The following PPM1M variants were observed in gnomAD, a reference collection of about 807,000 sequenced individuals.
PPM1M encodes protein phosphatase 1M.
A neutral mutation model predicts 50.8 loss-of-function variants in PPM1M; 44 were observed. The observed-to-expected ratio is 0.87, with a 90% CI of 0.68 to 1.11. The LOEUF is 1.11. Among genes scored for constraint, PPM1M ranks in the 50% most tolerant of loss-of-function variants. PPM1M has a pLI of 0.00. For missense variants in PPM1M, 556 were observed against 593.4 expected (o/e 0.94, Z 0.66); for synonymous variants, 224 against 242.9 (o/e 0.92, Z 0.72).
chr3:52,248,008 AG>A, intron 4 of PPM1M, 144 bp from the exon 5 acceptor site: 1 of 806,180 alleles, frequency 1.2e-6, no homozygotes, highest in East Asian at 2.7e-5. Context: ...TCACCCTTGC[AG>A]GTCTTAGGTA....
chr3:52,245,921 C>G lies in PPM1M; in HGVS notation c.97C>G (p.Arg33Gly). Residue 33 changes from arginine (R) to glycine (G), a missense_variant, in exon 1 of 10, where the codon CGG (arginine) becomes GGG (glycine). By Grantham distance (125) the Arg-to-Gly change is moderately radical. Coordinates refer to ENST00000323588, the MANE Select transcript of PPM1M (RefSeq NM_144641.4). The surrounding 1 kb of genome is among the most constrained non-coding windows in gnomAD (Gnocchi z 4.8). ...GCATGCCAGCCCCGTGCCCTACCGA[C>G]GGCCCCGCTTCCTTCGCGGCTCCAG... ...GPHASPVPYR[R>G]PRFLRGSSSS... The G allele has an allele frequency of 1.6e-6, 2 of 1,233,508 alleles. No individual in the cohort carries two copies. The highest frequency in any genetic ancestry group is 2.1e-6 in the Non-Finnish European group (2 of 963,070). 76.4% of individuals were successfully genotyped at this position (1,233,508 alleles called of 1,614,324 possible).
chr3:52,245,991 G>C lies in PPM1M; in HGVS notation c.167G>C (p.Arg56Pro), dbSNP rs939891666. 1 of 1,243,526 alleles carries C rather than the reference G, an allele frequency of 8.0e-7. No individual in the cohort carries two copies. Among genetic ancestry groups the C allele is most frequent in the Non-Finnish European group, 1.0e-6 (1 of 967,482 alleles). The allele number at this position is 1,243,526 out of a possible 1,614,324, so 77.0% of individuals were successfully genotyped here. ...AADASRRPDS[R>P]PVRSPARGRT... ...GACGCCTCGCGCCGCCCAGACTCCCGGCCCGTGCGCAGCCCCGCACGAGGA... is the reference window on the plus strand; with the variant it reads ...GACGCCTCGCGCCGCCCAGACTCCCCGCCCGTGCGCAGCCCCGCACGAGGA... The change falls in exon 1 of 10, where the codon CGG becomes CCG. Residue 56 changes from arginine to proline, a missense_variant. By Grantham distance (103) the Arg-to-Pro change is moderately radical (BLOSUM62 -2). Transcript: ENST00000323588. This position sits in a 1 kb window ranked among gnomAD's most constrained non-coding sequence, Gnocchi z 4.8.
rs1260199508 is a variant in PPM1M at position 52,245,834 on chromosome 3, G to T, written c.10G>T (p.Gly4Cys). Reference protein sequence around the residue: MSAGWFRRRFLPGE... With the variant: MSACWFRRRFLPGE... ...CCCCTGCCGCCGCGCCATGTCCGCCGGCTGGTTCCGGCGCCGCTTCCTGCC... is the reference window on the plus strand; with the variant it reads ...CCCCTGCCGCCGCGCCATGTCCGCCTGCTGGTTCCGGCGCCGCTTCCTGCC... Residue 4 changes from glycine (G) to cysteine (C), a missense_variant, in exon 1 of 10, where the codon GGC becomes TGC. Gly to Cys is a radical substitution (Grantham distance 159). Transcript: ENST00000323588. The surrounding 1 kb of genome is among the most constrained non-coding windows in gnomAD (Gnocchi z 4.8). 2 of 1,055,792 alleles carry T rather than the reference G, an allele frequency of 1.9e-6. No homozygotes were observed. Among genetic ancestry groups the T allele is most frequent in the Non-Finnish European group, 2.3e-6 (2 of 871,058 alleles). The allele number at this position is 1,055,792 out of a possible 1,614,324, so 65.4% of individuals were successfully genotyped here. A position where few individuals can be genotyped will look rare whatever the true frequency, so the allele number is the denominator to read the frequency against.
At chr3:52,248,788 GTGGC>G in intron 7 of PPM1M, 88 bp downstream of exon 7, 1 of 1,443,942 alleles carries the variant, frequency 6.9e-7, no homozygotes, top group Middle Eastern at 1.8e-4. Flanking sequence ...GCTGGTAGCT[GTGGC>G]TGGTGGCCTG....
intron 1 of PPM1M, 185 bp from the exon 2 acceptor site, chr3:52,246,510 C>G (rs1699858628): frequency 1.9e-6 from 1 of 528,006 alleles, no homozygotes; most frequent in African/African-American, 2.0e-5. Flanking sequence ...CTGACTTTTA[C>G]CTTAGCCATG....
Position 52,250,338 on chromosome 3 carries a change from C to T in PPM1M, c.*524C>T. On this transcript the variant is annotated 3_prime_UTR_variant, in exon 10 of 10. Transcript: ENST00000323588. ...CTTCAAGACAGCCCCTGAAAAGAGA[C>T]CAGTTCAGGTCCTGCCCTGCTGTTC... 1 of 161,222 alleles carries T rather than the reference C, an allele frequency of 6.2e-6. No individual in the cohort carries two copies. The highest frequency in any genetic ancestry group is 5.7e-5 in the Admixed American group (1 of 17,586). 10.0% of individuals were successfully genotyped at this position (161,222 alleles called of 1,614,324 possible). A position where few individuals can be genotyped will look rare whatever the true frequency, so the allele number is the denominator to read the frequency against.
chr3:52,247,888 TAGGA>T, intron 4 of PPM1M, 94 bp downstream of exon 4: 1 of 835,528 alleles, frequency 1.2e-6, no homozygotes, highest in Non-Finnish European at 2.0e-6. Context: ...GGAGGGATAG[TAGGA>T]AGGATTGACT....
Position 52,247,009 on chromosome 3 carries a change from GC to G in PPM1M, c.379del (p.His127ThrfsTer62). The stretch of plus-strand genomic sequence containing the variant: ...GCCATTACTGGGCACTGTTCGATGG[GC>G]ACGGCGGTCCTGCAGCAGCCATCTT... ...TGHYWALFDG[H>X]GGPAAAILAA... On this transcript the variant is annotated frameshift_variant, in exon 3 of 10. Transcript: ENST00000323588. LOFTEE classifies it high-confidence loss of function. 1.3e-6 allele frequency: 2 copies of G among 1,548,316 alleles called. No homozygotes were observed. Among genetic ancestry groups the G allele is most frequent in the Non-Finnish European group, 1.7e-6 (2 of 1,146,058 alleles).
At chr3:52,246,086 C>T in intron 1 of PPM1M, 38 bp downstream of exon 1, 1 of 1,054,948 alleles carries the variant, frequency 9.5e-7, no homozygotes, top group Non-Finnish European at 1.2e-6. Context: ...CAGGCCCGGG[C>T]CTGAACCCGC....
chr3:52,248,745 T>G (rs764790440), intron 7 of PPM1M, 45 bp downstream of exon 7: 169 of 1,588,476 alleles, frequency 1.1e-4, no homozygotes, highest in Non-Finnish European at 1.4e-4. Flanking sequence ...CTCTTCATTG[T>G]CCCCTGCAGA....
rs1298623640 is a variant in PPM1M, at chr3:52,246,005, C to T, written c.181C>T (p.Pro61Ser). 15 of 1,234,822 alleles carry T rather than the reference C, an allele frequency of 1.2e-5. No homozygotes were observed. Among genetic ancestry groups the T allele is most frequent in the East Asian group, 7.8e-5 (1 of 12,776 alleles). The allele number at this position is 1,234,822 out of a possible 1,614,324, so 76.5% of individuals were successfully genotyped here. The change falls in exon 1 of 10, where the codon CCC becomes TCC. Residue 61 changes from proline (P) to serine (S), a missense_variant. By Grantham distance (74) the Pro-to-Ser change is moderately conservative. Coordinates refer to ENST00000323588, the MANE Select transcript of PPM1M (RefSeq NM_144641.4). Reference sequence around the variant, plus strand: ...CCCAGACTCCCGGCCCGTGCGCAGCCCCGCACGAGGACGCACGCTACCCTG... The same window carrying T: ...CCCAGACTCCCGGCCCGTGCGCAGCTCCGCACGAGGACGCACGCTACCCTG... The part of the protein sequence containing the change: ...RRPDSRPVRS[P>S]ARGRTLPWNA...
At position 52,247,711 on chromosome 3, in the gene PPM1M, C is replaced by A; in HGVS notation, c.627C>A (p.Ala209=). 1 of 1,605,992 alleles carries A rather than the reference C, an allele frequency of 6.2e-7. No homozygotes were observed. Among genetic ancestry groups the A allele is most frequent in the Non-Finnish European group, 8.5e-7 (1 of 1,176,392 alleles). ...AGGTGATCGGGCGGGAGCTGGAGGCCTCAGGCCAGATGGGCGGCTGCACAG... is the reference window on the plus strand; with the variant it reads ...AGGTGATCGGGCGGGAGCTGGAGGCATCAGGCCAGATGGGCGGCTGCACAG... The part of the protein sequence containing the change: ...CDEVIGRELE[A]SGQMGGCTAL... The change falls in exon 4 of 10, where the codon GCC becomes GCA. Residue 209 remains alanine (A), a synonymous_variant. Transcript: ENST00000323588.
chr3:52,247,845 C>A, intron 4 of PPM1M, 51 bp downstream of exon 4: 1 of 1,110,470 alleles, frequency 9.0e-7, no homozygotes. Flanking sequence ...AGGGCATAAG[C>A]AGCAATGGGG....
chr3:52,249,377 C>T (rs946729898), intron 9 of PPM1M, 55 bp downstream of exon 9: 2 of 1,549,694 alleles, frequency 1.3e-6, no homozygotes, highest in South Asian at 2.4e-5. Flanking sequence ...GCAGCAAGCC[C>T]AAGTAGTTAT....
rs148674478 is a variant in PPM1M at position 52,249,595 on chromosome 3, C to T, written c.1236-75C>T. On this transcript the variant is annotated intron_variant, in intron 9 of 9. Coordinates refer to ENST00000323588, the MANE Select transcript of PPM1M (RefSeq NM_144641.4). ...TTGGGTCCCCATGTCCAGCCTTGTG[C>T]AGTGAGTTCTCCTAAGGTCTGGCCT... The T allele has an allele frequency of 1.0e-5, 16 of 1,589,486 alleles. No individual in the cohort carries two copies. In the African/African-American group the frequency reaches 2.1e-4, roughly 21 times the overall value.
chr3:52,246,892 C>T (rs1268320712), intron 2 of PPM1M, 80 bp downstream of exon 2: 19 of 1,510,868 alleles, frequency 1.3e-5, no homozygotes, highest in Non-Finnish European at 1.7e-5. Flanking sequence ...TCTTACCCTG[C>T]TGCCCCAGGT....
intron 9 of PPM1M, 72 bp from the exon 10 acceptor site, chr3:52,249,596 AGT>A: frequency 6.3e-7 from 1 of 1,592,400 alleles, no homozygotes; most frequent in Non-Finnish European, 8.6e-7. Context: ...AGCCTTGTGC[AGT>A]GAGTTCTCCT....
chr3:52,249,520 T>C lies in PPM1M; in HGVS notation c.1236-150T>C, dbSNP rs1577999184. The C allele has an allele frequency of 3.9e-6, 5 of 1,293,924 alleles. No homozygotes were observed. In the East Asian group the frequency reaches 1.3e-4, roughly 32 times the overall value. 80.2% of individuals were successfully genotyped at this position (1,293,924 alleles called of 1,614,324 possible). ...ATTTAGACTCTCATGGTCCAGCCCG[T>C]GGCCCTCCCAGACTTGCTGCTTGCT... On this transcript the variant is annotated intron_variant, in intron 9 of 9. Coordinates refer to ENST00000323588, the MANE Select transcript of PPM1M (RefSeq NM_144641.4).
Position 52,249,261 on chromosome 3 carries a change from A to T in PPM1M, c.1174A>T (p.Asn392Tyr). ...ATDGLWDVLSNEQVAWLVRSF... is the reference protein window; with the variant it reads ...ATDGLWDVLSYEQVAWLVRSF... The stretch of plus-strand genomic sequence containing the variant: ...TGATGGACTCTGGGATGTACTGTCC[A>T]ACGAGCAGGTGGCATGGCTGGTGCG... The change falls in exon 9 of 10, where the codon AAC becomes TAC. Residue 392 changes from asparagine to tyrosine, a missense_variant. Transcript: ENST00000323588. 2 of 1,613,794 alleles carry T rather than the reference A, an allele frequency of 1.2e-6. No homozygotes were observed. Among genetic ancestry groups the T allele is most frequent in the Middle Eastern group, 3.3e-4 (2 of 6,062 alleles).
Sources: allele counts gnomAD v4.1 joint callset, GRCh38; gene constraint gnomAD v4.1.1; non-coding constraint Gnocchi (gnomAD v3.1); transcripts MANE v1.5; gene names NCBI Gene and HGNC (gene_info 2026-07-23, HGNC 2026-07-21).